Variants in CSMD1 observed in about 807,000 individuals in gnomAD.
CSMD1 encodes the protein CUB and Sushi multiple domains 1.
CSMD1 carries 213 observed loss-of-function variants against 417.5 expected under a neutral mutation model. The ratio of observed to expected loss-of-function variants is 0.51; its 90% CI spans 0.46 to 0.57. The LOEUF (loss-of-function observed/expected upper bound fraction) is 0.57. Among genes scored for constraint, CSMD1 ranks in the 20% least tolerant of loss-of-function variants. The probability of loss-of-function intolerance (pLI) is 0.00; values close to 1 mark genes in which losing one functional copy is unlikely to be tolerated. For synonymous variants in CSMD1, 2,862 were observed against 1,736.8 expected (o/e 1.65, Z -16.11); for missense variants, 6,923 against 4,529.7 (o/e 1.53, Z -15.17).
At position 3,475,530 on chromosome 8, in the gene CSMD1, G is replaced by A. The variant is rs190622709; in HGVS notation, c.1449-6706C>T. Among the ~76,000 whole-genome samples, 3 of 152,260 alleles carry A rather than the reference G, an allele frequency of 2.0e-5. No individual in the cohort carries two copies. The East Asian group carries it at 5.8e-4, about 29-fold the overall frequency. On this transcript the variant is annotated intron_variant, in intron 11 of 69. Coordinates refer to ENST00000635120, the MANE Select transcript of CSMD1 (RefSeq NM_033225.6). ...TGATGGCTCTGTCATTAATTCACGT[G>A]TGATTTTAGCTAAATCATTTTATCT... is the stretch of plus-strand genomic sequence containing the variant.
intron 2 of CSMD1, among the ~76,000 whole-genome samples, chr8:4,432,324 C>G (rs1004640594): frequency 6.6e-6 from 1 of 152,154 alleles, no homozygotes; most frequent in Admixed American, 6.5e-5. Flanking sequence ...GCTTAAGTAA[C>G]TTACTCAAAG....
intron 10 of CSMD1, among the ~76,000 whole-genome samples, chr8:3,521,671 G>C (rs1251020649): frequency 6.6e-6 from 1 of 152,128 alleles, no homozygotes; most frequent in East Asian, 1.9e-4. Context: ...GTTATAACTG[G>C]AAGTGATGTT....
chr8:3,803,866 G>A (rs372127463), intron 5 of CSMD1, among the ~76,000 whole-genome samples: 4 of 152,276 alleles, frequency 2.6e-5, no homozygotes, highest in African/African-American at 9.6e-5. Context: ...AAGCTACTGA[G>A]GAGAGGAATT....
chr8:3,889,492 T>TATAA (rs1240650790), intron 5 of CSMD1, among the ~76,000 whole-genome samples: 2 of 63,190 alleles, frequency 3.2e-5, no homozygotes, highest in African/African-American at 1.2e-4. Context: ...TATATATATA[T>TATAA]AAAATATGCT....
intron 10 of CSMD1, among the ~76,000 whole-genome samples, chr8:3,508,754 T>G (rs1042405032): frequency 1.3e-5 from 2 of 152,170 alleles, no homozygotes; most frequent in Non-Finnish European, 2.9e-5. Context: ...TCATTCTATT[T>G]AGACCGAATA....
At chr8:4,447,795 AAACG>A (rs1476285009) in intron 2 of CSMD1, among the ~76,000 whole-genome samples, 4 of 151,612 alleles carry the variant, frequency 2.6e-5, no homozygotes, top group African/African-American at 9.8e-5. Context: ...AGAAGAAAAT[AAACG>A]AACACAACTA....
intron 4 of CSMD1, among the ~76,000 whole-genome samples, chr8:4,027,677 G>A (rs971389029): frequency 6.6e-6 from 1 of 152,070 alleles, no homozygotes; most frequent in Non-Finnish European, 1.5e-5. Flanking sequence ...CATGATAACG[G>A]ACTAATACAG....
At chr8:3,283,657 G>A (rs1802913455) in intron 26 of CSMD1, among the ~76,000 whole-genome samples, 1 of 152,216 alleles carries the variant, frequency 6.6e-6, no homozygotes, top group East Asian at 1.9e-4. Context: ...GGCCTTCCTT[G>A]GAAGCAGGTC....
At chr8:4,361,390 GCTAA>G (rs35648200) in intron 3 of CSMD1, among the ~76,000 whole-genome samples, 55,254 of 151,716 alleles carry the variant, frequency 0.36, 11,546 homozygotes, top group African/African-American at 0.58. Flanking sequence ...CTCATGAAGG[GCTAA>G]CTGTGTCTCA....
At chr8:3,258,050 C>G (rs888015047) in intron 26 of CSMD1, among the ~76,000 whole-genome samples, 16 of 152,152 alleles carry the variant, frequency 1.1e-4, no homozygotes, top group African/African-American at 3.9e-4. Context: ...GTCGAGTAGA[C>G]AGACAGGGCC....
At chr8:4,213,490 C>T (rs974801296) in intron 3 of CSMD1, among the ~76,000 whole-genome samples, 8 of 152,208 alleles carry the variant, frequency 5.3e-5, no homozygotes, top group Non-Finnish European at 1.0e-4. Flanking sequence ...GAATGAAAAA[C>T]ACTTGCTAAA....
chr8:4,785,286 G>C (rs1403422600), intron 1 of CSMD1, among the ~76,000 whole-genome samples: 1 of 152,078 alleles, frequency 6.6e-6, no homozygotes, highest in Admixed American at 6.6e-5. Flanking sequence ...TTCATAATGG[G>C]GCACATTGGG....
chr8:4,569,775 T>C (rs1158318104), intron 2 of CSMD1, among the ~76,000 whole-genome samples: 1 of 152,244 alleles, frequency 6.6e-6, no homozygotes, highest in Non-Finnish European at 1.5e-5. Flanking sequence ...TCCATGAGCA[T>C]GGAATTTTTC....
intron 1 of CSMD1, among the ~76,000 whole-genome samples, chr8:4,654,360 T>C (rs910114016): frequency 7.9e-5 from 12 of 152,142 alleles, no homozygotes; most frequent in Non-Finnish European, 2.9e-5. Flanking sequence ...AGCAGTATAA[T>C]TCCCCTGCTG....
chr8:3,324,428 C>A (rs1304922158), intron 23 of CSMD1, among the ~76,000 whole-genome samples: 1 of 142,484 alleles, frequency 7.0e-6, no homozygotes, highest in African/African-American at 2.7e-5. Context: ...AGGCCCACAC[C>A]TAATCCTCAG....
At chr8:4,510,836 C>CCCTCCCT (rs1185345954) in intron 2 of CSMD1, among the ~76,000 whole-genome samples, 1 of 132,920 alleles carries the variant, frequency 7.5e-6, no homozygotes, top group East Asian at 2.5e-4. Flanking sequence ...CTCTCTTCCT[C>CCCTCCCT]CCTCCCTCCT....
chr8:3,010,075 G>A (rs1018995391), intron 52 of CSMD1, among the ~76,000 whole-genome samples: 3 of 152,076 alleles, frequency 2.0e-5, no homozygotes, highest in Admixed American at 6.6e-5. Context: ...CTTGCCTGCC[G>A]GTGTCACGTC....
chr8:4,966,532 G>T (rs1809869687), intron 1 of CSMD1, among the ~76,000 whole-genome samples: 1 of 152,152 alleles, frequency 6.6e-6, no homozygotes, highest in Non-Finnish European at 1.5e-5. Flanking sequence ...AAACCCAACT[G>T]TCACTGTCCA....
chr8:3,873,966 CTG>C (rs1308631719), intron 5 of CSMD1, among the ~76,000 whole-genome samples: 1 of 152,150 alleles, frequency 6.6e-6, no homozygotes, highest in African/African-American at 2.4e-5. Flanking sequence ...GTCTTGAGGG[CTG>C]TGTTGGTGAC....
Sources: allele counts gnomAD v4.1 joint callset (sites outside exome capture counted in the v4.1 genomes callset), GRCh38; gene constraint gnomAD v4.1.1; transcripts MANE v1.5; gene names NCBI Gene and HGNC (gene_info 2026-07-23, HGNC 2026-07-21).